APBA2: variants seen among roughly 807,000 people sequenced by gnomAD.
APBA2 encodes amyloid beta precursor protein binding family A member 2, also known as amyloid-beta A4 precursor protein-binding family A member 2.
Under a neutral mutation model 75.0 loss-of-function variants are expected in APBA2, and 30 were observed. That is an observed-to-expected ratio of 0.40 (90% CI 0.30 to 0.54). The LOEUF is 0.54. Among genes scored for constraint, APBA2 ranks in the 20% least tolerant of loss-of-function variants. APBA2 has a pLI of 0.49. For missense variants in APBA2, 801 were observed against 1,016.1 expected (o/e 0.79, Z 2.88); for synonymous variants, 444 against 409.6 (o/e 1.08, Z -1.01).
chr15:29,113,352 G>A (rs28680725), intron 13 of APBA2, among the ~76,000 whole-genome samples: 15 of 127,940 alleles, frequency 1.2e-4, no homozygotes, highest in African/African-American at 4.4e-4. Context: ...GTCACTTGGC[G>A]GGGGGGGGAT....
chr15:28,910,437 G>A (rs2033376871), intron 1 of APBA2, among the ~76,000 whole-genome samples: 1 of 152,190 alleles, frequency 6.6e-6, no homozygotes, highest in African/African-American at 2.4e-5. Context: ...TCTTAATGGT[G>A]TGCAATAAAT....
chr15:29,016,824 C>T (rs1194429472), intron 3 of APBA2, among the ~76,000 whole-genome samples: 1 of 151,964 alleles, frequency 6.6e-6, no homozygotes, highest in East Asian at 1.9e-4. Context: ...TTCTCCTTTG[C>T]TCCTCTGTCT....
At chr15:28,915,486 A>G (rs2033648562) in intron 1 of APBA2, among the ~76,000 whole-genome samples, 1 of 135,592 alleles carries the variant, frequency 7.4e-6, no homozygotes, top group African/African-American at 2.8e-5. Flanking sequence ...TACACACCCC[A>G]TACACACCAC....
At chr15:29,045,993 G>T (rs1368077293) in intron 3 of APBA2, among the ~76,000 whole-genome samples, 1 of 152,160 alleles carries the variant, frequency 6.6e-6, no homozygotes, top group African/African-American at 2.4e-5. Flanking sequence ...GAAGGAGTAT[G>T]CAGTTAAAGT....
At chr15:29,090,372 G>A (rs1419120781) in intron 6 of APBA2, among the ~76,000 whole-genome samples, 2 of 152,220 alleles carry the variant, frequency 1.3e-5, no homozygotes, top group African/African-American at 4.8e-5. Flanking sequence ...AGGGGGAGAC[G>A]AGGCCAGTCT....
chr15:29,015,821 A>G (rs554893888), intron 3 of APBA2, among the ~76,000 whole-genome samples: 181 of 152,314 alleles, frequency 1.2e-3, no homozygotes, highest in South Asian at 6.8e-3. Context: ...GCCAGGAGGC[A>G]GGGACCCTGG....
chr15:29,012,675 G>T (rs989435564), intron 3 of APBA2, among the ~76,000 whole-genome samples: 3 of 152,068 alleles, frequency 2.0e-5, no homozygotes, highest in Non-Finnish European at 4.4e-5. Flanking sequence ...TAATTTTGTT[G>T]TTCAGATAGT....
At chr15:29,040,138 C>T (rs1293855083) in intron 3 of APBA2, among the ~76,000 whole-genome samples, 2 of 152,196 alleles carry the variant, frequency 1.3e-5, no homozygotes, top group African/African-American at 2.4e-5. Flanking sequence ...CTGGCCCTGC[C>T]AGACCCAGAG....
rs1282168321 is a variant in APBA2, at chr15:29,117,125, T to C, written c.2242T>C (p.Tyr748His). The C allele has an allele frequency of 1.9e-6, 3 of 1,613,002 alleles. No homozygotes were observed. The highest frequency in any genetic ancestry group is 2.5e-6 in the Non-Finnish European group (3 of 1,179,936). The change falls in exon 15 of 15, where the codon TAC (tyrosine) becomes CAC (histidine). Residue 748 changes from tyrosine (Y) to histidine (H), a missense_variant. Physicochemically the swap from Tyr to His is moderately conservative, Grantham distance 83. Around this residue, in one of 2 missense-constraint regions of APBA2, gnomAD observed 367 missense variants for 544.5 expected, o/e 0.67. Transcript: ENST00000683413. The part of the protein sequence containing the change: ...RLLTGQETPL[Y>H]I ...CCTCACGGGTCAGGAGACCCCGCTG[T>C]ACATCTAGGCCACCCCAGCCTGGCC...
chr15:28,936,965 G>A (rs72714173), intron 2 of APBA2, among the ~76,000 whole-genome samples: 2,822 of 152,298 alleles, frequency 0.019, 44 homozygotes, highest in Non-Finnish European at 0.026. Context: ...TCCAGTCTGC[G>A]AAATGGGCAT....
rs181228804 is a variant in APBA2 at position 29,026,995 on chromosome 15, T to C, written c.-40-26850T>C. On this transcript the variant is annotated intron_variant, in intron 3 of 14. Transcript: ENST00000683413. ...AATTTTCAGAATAAGAAGTTGGCAA[T>C]AGCCAATTTTAATGGTATGATACAT... 2.3e-3 allele frequency among the ~76,000 whole-genome samples: 350 copies of C among 152,326 alleles called. 7 individuals carry two copies. Among genetic ancestry groups the C allele is most frequent in the Admixed American group, 0.016 (243 of 15,292 alleles).
intron 1 of APBA2, among the ~76,000 whole-genome samples, chr15:28,887,061 C>G (rs187077667): frequency 6.6e-6 from 1 of 152,234 alleles, no homozygotes; most frequent in Non-Finnish European, 1.5e-5. Flanking sequence ...CGAGGACCGC[C>G]GTGGAGAGCA....
chr15:29,083,681 C>A (rs2043175795), intron 6 of APBA2, among the ~76,000 whole-genome samples: 1 of 152,064 alleles, frequency 6.6e-6, no homozygotes, highest in African/African-American at 2.4e-5. Context: ...CAGGGGTGCA[C>A]CACCATGGCC....
At chr15:28,990,369 C>T (rs2038161070) in intron 2 of APBA2, 1 of 149,364 alleles carries the variant, frequency 6.7e-6, no homozygotes, top group African/African-American at 2.5e-5. Flanking sequence ...TGCACTCCAG[C>T]CTGGGCAACG....
chr15:29,014,030 C>T (rs2039534622), intron 3 of APBA2, among the ~76,000 whole-genome samples: 1 of 152,236 alleles, frequency 6.6e-6, no homozygotes, highest in African/African-American at 2.4e-5. Context: ...TTCAAGTCTG[C>T]ATCCCAGTTT....
chr15:29,018,971 T>G (rs540510352), intron 3 of APBA2, among the ~76,000 whole-genome samples: 1 of 152,214 alleles, frequency 6.6e-6, no homozygotes, highest in East Asian at 1.9e-4. Context: ...CTGATGTGTG[T>G]TGTGAGGCAG....
chr15:29,114,887 CTGTGGG>C (rs1346194188), intron 14 of APBA2, among the ~76,000 whole-genome samples: 1 of 62,920 alleles, frequency 1.6e-5, no homozygotes, highest in African/African-American at 3.1e-5. Flanking sequence ...GGGTGTGTGG[CTGTGGG>C]TGTGTGTGAG....
At chr15:29,058,430 G>A (rs538891121) in intron 4 of APBA2, among the ~76,000 whole-genome samples, 1 of 152,186 alleles carries the variant, frequency 6.6e-6, no homozygotes, top group East Asian at 1.9e-4. Context: ...AGAATCGCTT[G>A]AGCCTGGGAG....
intron 6 of APBA2, among the ~76,000 whole-genome samples, chr15:29,084,853 GTGT>G (rs1273865461): frequency 1.3e-5 from 2 of 152,162 alleles, no homozygotes; most frequent in African/African-American, 4.8e-5. Flanking sequence ...CATCTTCATG[GTGT>G]TGTTTAATGT....
Sources: allele counts gnomAD v4.1 joint callset (sites outside exome capture counted in the v4.1 genomes callset), GRCh38; gene constraint gnomAD v4.1.1; regional missense constraint gnomAD v4.1.1; transcripts MANE v1.5; gene names NCBI Gene and HGNC (gene_info 2026-07-23, HGNC 2026-07-21).